The following TNRC6C variants were observed in gnomAD, a reference collection of about 807,000 sequenced individuals.
TNRC6C encodes the protein trinucleotide repeat-containing gene 6C protein.
TNRC6C carries 20 observed loss-of-function variants against 153.7 expected under a neutral mutation model. That is an observed-to-expected ratio of 0.13 (90% CI 0.09 to 0.19). The LOEUF is 0.19. TNRC6C is among the 10% of genes least tolerant of loss of function. TNRC6C has a pLI of 1.00. For synonymous variants in TNRC6C, 811 were observed against 841.4 expected (o/e 0.96, Z 0.63); for missense variants, 1,987 against 2,172.0 (o/e 0.91, Z 1.69).
At chr17:77,979,663 G>A (rs2071046505) in intron 1 of TNRC6C, among the ~76,000 whole-genome samples, 2 of 152,048 alleles carry the variant, frequency 1.3e-5, no homozygotes, top group Non-Finnish European at 2.9e-5. Flanking sequence ...AGAAGCAATA[G>A]TAAAAGACAT....
chr17:78,002,777 A>C (rs1197793432), upstream of TNRC6C, among the ~76,000 whole-genome samples: 1 of 152,228 alleles, frequency 6.6e-6, no homozygotes, highest in African/African-American at 2.4e-5. Context: ...TAAATGAATC[A>C]GTCCCCACCT....
chr17:78,002,122 A>G (rs2143160495), upstream of TNRC6C, among the ~76,000 whole-genome samples: 1 of 152,264 alleles, frequency 6.6e-6, no homozygotes, highest in East Asian at 1.9e-4. Context: ...CACTTTTCAA[A>G]TCCAAGTTTA....
upstream of TNRC6C, among the ~76,000 whole-genome samples, chr17:77,999,932 A>G (rs2071386005): frequency 6.6e-6 from 1 of 152,216 alleles, no homozygotes; most frequent in South Asian, 2.1e-4. Flanking sequence ...GCCATATTTC[A>G]ATGGCTAGAA....
intron 1 of TNRC6C, among the ~76,000 whole-genome samples, chr17:78,027,353 A>T (rs748434490): frequency 7.9e-5 from 12 of 152,162 alleles, no homozygotes; most frequent in Non-Finnish European, 1.8e-4. Context: ...TGTTCAAGTG[A>T]TGATGAGAAG....
chr17:77,985,601 C>CAAAAAAAAAAAA lies in TNRC6C; in HGVS notation c.-37-18565_-37-18554dup, dbSNP rs1229331703. ...TGGGCAACAGAGCGAGACTCCGTCT[C>CAAAAAAAAAAAA]AAAAAAAAAAAAAAACCAGCAACTG... is the stretch of plus-strand genomic sequence containing the variant. On this transcript the variant is annotated intron_variant, in intron 1 of 22. Coordinates refer to the TNRC6C transcript ENST00000636222. Among the ~76,000 whole-genome samples the CAAAAAAAAAAAA allele has an allele frequency of 7.7e-3, 742 of 95,988 alleles. 3 individuals carry two copies. Among genetic ancestry groups the CAAAAAAAAAAAA allele is most frequent in the South Asian group, 0.028 (81 of 2,878 alleles). The allele number at this position is 95,988 out of a possible 152,430, so 63.0% of individuals were successfully genotyped here. A position where few individuals can be genotyped will look rare whatever the true frequency, so the allele number is the denominator to read the frequency against.
chr17:78,088,959 CTTTTTTTT>C (rs59304499), intron 13 of TNRC6C, among the ~76,000 whole-genome samples: 2 of 86,698 alleles, frequency 2.3e-5, no homozygotes, highest in South Asian at 3.8e-4. Context: ...CTTATCGTTA[CTTTTTTTT>C]TTTTTTTTTT....
At chr17:78,086,701 T>C in intron 12 of TNRC6C, 115 bp downstream of exon 14, 1 of 1,558,728 alleles carries the variant, frequency 6.4e-7, no homozygotes, top group Non-Finnish European at 8.8e-7. Context: ...AGCCTTCCTT[T>C]GAAAATTCCT....
intron 13 of TNRC6C, among the ~76,000 whole-genome samples, chr17:78,087,884 G>A (rs1317273279): frequency 2.0e-5 from 3 of 152,216 alleles, no homozygotes; most frequent in Non-Finnish European, 4.4e-5. Flanking sequence ...TCACATACCT[G>A]AAGACACCAG....
chr17:78,045,969 C>T (rs1341343016), intron 2 of TNRC6C, among the ~76,000 whole-genome samples: 1 of 151,872 alleles, frequency 6.6e-6, no homozygotes, highest in Non-Finnish European at 1.5e-5. Context: ...TGGTCCCCAT[C>T]CCACCCCCAG....
chr17:77,987,303 A>G (rs561800526), intron 1 of TNRC6C, among the ~76,000 whole-genome samples: 1 of 152,376 alleles, frequency 6.6e-6, no homozygotes, highest in African/African-American at 2.4e-5. Flanking sequence ...GAAATACTTT[A>G]TCAGATTAGC....
intron 1 of TNRC6C, among the ~76,000 whole-genome samples, chr17:78,014,585 CATT>C (rs372149000): frequency 6.6e-6 from 1 of 150,570 alleles, no homozygotes; most frequent in African/African-American, 2.4e-5. Flanking sequence ...TGTTTGTAGT[CATT>C]ATTAAAATAA....
chr17:78,091,344 T>G (rs972704610), intron 13 of TNRC6C, 96 bp from the exon 16 acceptor site: 1 of 1,316,552 alleles, frequency 7.6e-7, no homozygotes, highest in South Asian at 2.2e-5. Flanking sequence ...AAAAAAAATT[T>G]GCTGTAAGCG....
At chr17:78,045,460 C>T (rs2072389873) in intron 2 of TNRC6C, among the ~76,000 whole-genome samples, 1 of 152,118 alleles carries the variant, frequency 6.6e-6, no homozygotes, top group Non-Finnish European at 1.5e-5. Context: ...AGATCTACAC[C>T]TCAAAGCCCG....
chr17:78,074,199 C>G (rs57852968), intron 7 of TNRC6C, among the ~76,000 whole-genome samples: 9,357 of 152,234 alleles, frequency 0.061, 395 homozygotes, highest in East Asian at 0.15. Flanking sequence ...ACAGAAAGCA[C>G]AGAAATACGA....
At chr17:77,979,676 T>C (rs967836235) in intron 1 of TNRC6C, among the ~76,000 whole-genome samples, 5 of 152,078 alleles carry the variant, frequency 3.3e-5, no homozygotes, top group African/African-American at 9.7e-5. Flanking sequence ...AAAGACATAA[T>C]AACTTGAGAA....
chr17:78,049,195 A>G lies in TNRC6C; in HGVS notation c.133A>G (p.Asn45Asp). Reference sequence around the variant, plus strand: ...CCTTGGAGCAGGGGGAGCGAACAGTAATGGAAGTGCGGCCAGAGTGTGGGG... The same window carrying G: ...CCTTGGAGCAGGGGGAGCGAACAGTGATGGAAGTGCGGCCAGAGTGTGGGG... The change falls in exon 3 of 20, where the codon AAT becomes GAT. Residue 45 changes from asparagine to aspartate, a missense_variant. By Grantham distance (23) the Asn-to-Asp change is conservative (BLOSUM62 1). Transcript: ENST00000301624. This position sits in a 1 kb window ranked among gnomAD's most constrained non-coding sequence, Gnocchi z 4.1. 6.2e-7 allele frequency: 1 copy of G among 1,613,254 alleles called. No individual in the cohort carries two copies. The highest frequency in any genetic ancestry group is 8.5e-7 in the Non-Finnish European group (1 of 1,179,540).
exon 15 of TNRC6C, chr17:78,093,105 T>C: frequency 6.2e-7 from 1 of 1,612,926 alleles, no homozygotes; most frequent in Non-Finnish European, 8.5e-7. Flanking sequence ...CAAATGGCTC[T>C]AGCATCAACT....
chr17:78,099,077 G>T (rs2073541208), intron 17 of TNRC6C, among the ~76,000 whole-genome samples: 1 of 152,222 alleles, frequency 6.6e-6, no homozygotes. Flanking sequence ...AGAGATGAAA[G>T]AAATGTACTG....
At chr17:78,095,221 T>C (rs956109913) in intron 16 of TNRC6C, among the ~76,000 whole-genome samples, 1 of 151,864 alleles carries the variant, frequency 6.6e-6, no homozygotes, top group African/African-American at 2.4e-5. Flanking sequence ...CCACTGGGAG[T>C]GGCCTCAGCC....
Sources: gnomAD v4.1 joint callset for allele counts (sites outside exome capture counted in the v4.1 genomes callset) on GRCh38, gnomAD v4.1.1 for gene constraint, Gnocchi (gnomAD v3.1) non-coding constraint, MANE v1.5 for transcripts, NCBI Gene and HGNC (gene_info 2026-07-23, HGNC 2026-07-21) for gene names.